The following GNAT2 variants were observed in gnomAD, a reference collection of about 807,000 sequenced individuals.
The protein encoded by GNAT2 is guanine nucleotide-binding protein G(t) subunit alpha-2.
Under a neutral mutation model 40.9 loss-of-function variants are expected in GNAT2, and 32 were observed. The ratio of observed to expected loss-of-function variants is 0.78; its 90% confidence interval spans 0.59 to 1.05. GNAT2 has a LOEUF of 1.05. GNAT2 is among the 50% of genes least tolerant of loss of function. The pLI, the probability that GNAT2 is intolerant of heterozygous loss-of-function variation, is 0.00. For missense variants in GNAT2, 355 were observed against 431.5 expected (o/e 0.82, Z 1.57); for synonymous variants, 141 against 157.2 (o/e 0.90, Z 0.77).
chr1:109,605,790 T>A (rs1649572995), intron 7 of GNAT2, 180 bp downstream of exon 7: 8 of 620,756 alleles, frequency 1.3e-5, no homozygotes, highest in South Asian at 1.2e-4. Flanking sequence ...AAAATGCTAA[T>A]CTAGAACCTG....
At chr1:109,614,783 C>T (rs1649904653) in intron 1 of GNAT2, 1 of 152,240 alleles carries the variant, frequency 6.6e-6, no homozygotes, top group African/African-American at 2.4e-5. Flanking sequence ...TATCTTCCTC[C>T]TTCGCACCAC....
At chr1:109,609,776 A>G in intron 4 of GNAT2, 1 of 478,654 alleles carries the variant, frequency 2.1e-6, no homozygotes, top group East Asian at 4.0e-5. Context: ...CAGTTAATTA[A>G]CTTCTCTGAA....
At chr1:109,609,854 G>A (rs1649736158) in intron 4 of GNAT2, 186 bp downstream of exon 4, 3 of 671,320 alleles carry the variant, frequency 4.5e-6, no homozygotes, top group East Asian at 2.6e-5. Flanking sequence ...GTCTTACTGC[G>A]TAGATGGGTA....
intron 7 of GNAT2, chr1:109,604,871 C>T (rs1444989044): frequency 6.6e-6 from 1 of 152,670 alleles, no homozygotes; most frequent in Non-Finnish European, 1.5e-5. Context: ...CTGTACAACC[C>T]TTTAAGGTCT....
At chr1:109,610,350 AG>A in intron 3 of GNAT2, 114 bp downstream of exon 3, 1 of 1,219,926 alleles carries the variant, frequency 8.2e-7, no homozygotes, top group Non-Finnish European at 1.2e-6. Flanking sequence ...CATTGGAATC[AG>A]ATCCTTTATA....
rs950519744 is a variant in GNAT2 at position 109,603,476 on chromosome 1, C to G, written c.943G>C (p.Asp315His). 6.2e-7 allele frequency: 1 copy of G among 1,606,924 alleles called. No homozygotes were observed. Among genetic ancestry groups the G allele is most frequent in the African/African-American group, 1.3e-5 (1 of 74,788 alleles). The change falls in exon 9 of 9, where the codon GAT becomes CAT. Residue 315 changes from aspartate (D) to histidine (H), a missense_variant. Transcript: ENST00000679935. ...ATGTGACTGTAGATTTCTTTGACAT[C>G]TTTTCGCATATTGAGGTCAAGGAAC... ...SQFLDLNMRK[D>H]VKEIYSHMTC...
intron 8 of GNAT2, 27 bp downstream of exon 8, chr1:109,603,924 T>C (rs763102276): frequency 2.0e-6 from 3 of 1,516,916 alleles, no homozygotes; most frequent in Non-Finnish European, 2.7e-6. Context: ...AAAGGCATTA[T>C]TATTATTTCC....
intron 1 of GNAT2, 109 bp from the exon 2 acceptor site, chr1:109,613,032 C>A: frequency 5.5e-6 from 4 of 729,686 alleles, no homozygotes; most frequent in East Asian, 2.6e-5. Flanking sequence ...GCTGTAGGGT[C>A]TTGTACTCTG....
intron 2 of GNAT2, 125 bp downstream of exon 2, chr1:109,612,628 G>A: frequency 4.0e-6 from 3 of 747,278 alleles, no homozygotes; most frequent in South Asian, 2.8e-5. Flanking sequence ...TAGCCAGACT[G>A]TGTAGAGGAG....
chr1:109,603,469 T>C lies in GNAT2; in HGVS notation c.950A>G (p.Lys317Arg). Residue 317 changes from lysine (K) to arginine (R), a missense_variant, in exon 9 of 9, where the codon AAA becomes AGA. By Grantham distance (26) the Lys-to-Arg change is conservative (BLOSUM62 2). Transcript: ENST00000679935. ...FLDLNMRKDV[K>R]EIYSHMTCAT... ...ACAGGTCATGTGACTGTAGATTTCT[T>C]TGACATCTTTTCGCATATTGAGGTC... 6.2e-7 allele frequency: 1 copy of C among 1,603,384 alleles called. No individual in the cohort carries two copies. Among genetic ancestry groups the C allele is most frequent in the Non-Finnish European group, 8.5e-7 (1 of 1,170,210 alleles).
chr1:109,608,513 G>C, intron 5 of GNAT2, 118 bp downstream of exon 5: 1 of 893,378 alleles, frequency 1.1e-6, no homozygotes, highest in Non-Finnish European at 1.9e-6. Flanking sequence ...AATTCAGTCT[G>C]GGTCTCCAGC....
chr1:109,612,391 G>T, intron 2 of GNAT2: 1 of 346,570 alleles, frequency 2.9e-6, no homozygotes, highest in Non-Finnish European at 5.6e-6. Context: ...CTGATTTCTT[G>T]GCTTAGAGTT....
At chr1:109,617,515 G>A (rs76910258) in intron 1 of GNAT2, 11,682 of 152,300 alleles carry the variant, frequency 0.077, 719 homozygotes, top group East Asian at 0.32. Flanking sequence ...TCTGTTCTGC[G>A]TAGACAATGA....
rs12046787 is a variant in GNAT2 at position 109,608,723 on chromosome 1, G to A, written c.369C>T (p.Leu123=). ...SIEEGTMPPE[L]VEVIRRLWKD... ...TCCACAACCTCCTAATGACCTCCACGAGCTCAGGAGGCATGGTTCCCTCCT... is the reference window on the plus strand; with the variant it reads ...TCCACAACCTCCTAATGACCTCCACAAGCTCAGGAGGCATGGTTCCCTCCT... The change falls in exon 5 of 9, where the codon CTC becomes CTT. Residue 123 remains leucine, a synonymous_variant. Transcript: ENST00000679935. 2.7e-4 allele frequency: 435 copies of A among 1,613,520 alleles called. 7 individuals are homozygous for A. In the East Asian group the frequency reaches 8.0e-3, roughly 30 times the overall value.
chr1:109,608,551 T>G, intron 5 of GNAT2, 80 bp downstream of exon 5: 1 of 1,396,500 alleles, frequency 7.2e-7, no homozygotes, highest in Non-Finnish European at 1.0e-6. Flanking sequence ...TTGGGTTGGG[T>G]GAGGTTTCTC....
At chr1:109,606,285 G>A (rs1341860593) in intron 6 of GNAT2, 23 bp downstream of exon 6, 3 of 1,612,346 alleles carry the variant, frequency 1.9e-6, no homozygotes, top group Admixed American at 3.3e-5. Context: ...TATCCGAGAT[G>A]CCCTAGGGAA....
intron 4 of GNAT2, 120 bp downstream of exon 4, chr1:109,609,920 G>T: frequency 3.0e-6 from 3 of 987,070 alleles, no homozygotes; most frequent in Non-Finnish European, 4.8e-6. Flanking sequence ...CACCCAGCAG[G>T]TGGGATTTTA....
chr1:109,613,020 A>T (rs1393150019), intron 1 of GNAT2, 97 bp from the exon 2 acceptor site: 2 of 745,318 alleles, frequency 2.7e-6, no homozygotes, highest in Non-Finnish European at 4.9e-6. Flanking sequence ...GTGAGAGAGC[A>T]GGCTGTAGGG....
At chr1:109,609,854 G>C in intron 4 of GNAT2, 186 bp downstream of exon 4, 2 of 671,320 alleles carry the variant, frequency 3.0e-6, no homozygotes, top group East Asian at 2.6e-5. Flanking sequence ...GTCTTACTGC[G>C]TAGATGGGTA....
Sources: allele counts gnomAD v4.1 joint callset, GRCh38; gene constraint gnomAD v4.1.1; transcripts MANE v1.5; gene names NCBI Gene and HGNC (gene_info 2026-07-23, HGNC 2026-07-21).